Variants in DPRX observed in about 807,000 individuals in gnomAD.
DPRX encodes divergent paired-related homeobox.
Under a neutral mutation model 8.4 loss-of-function variants are expected in DPRX, and 11 were observed. That is an observed-to-expected ratio of 1.31 (90% CI 0.82 to 2.17). The LOEUF (loss-of-function observed/expected upper bound fraction) is 2.17. Among genes scored for constraint, DPRX ranks in the 30% most tolerant of loss-of-function variants. The probability of loss-of-function intolerance (pLI) is 0.00; values close to 1 mark genes in which losing one functional copy is unlikely to be tolerated. For missense variants in DPRX, 211 were observed against 236.7 expected (o/e 0.89, Z 0.71); for synonymous variants, 72 against 87.0 (o/e 0.83, Z 0.96).
upstream of DPRX, among the ~76,000 whole-genome samples, chr19:53,627,861 G>C (rs758105364): frequency 7.3e-5 from 11 of 151,496 alleles, no homozygotes; most frequent in Non-Finnish European, 1.5e-4. Flanking sequence ...GACCAGCCTG[G>C]CCAACGTGGC....
At chr19:53,609,681 C>CA in the DPRX span, among the ~76,000 whole-genome samples, 2 of 151,866 alleles carry the variant, frequency 1.3e-5, no homozygotes, top group African/African-American at 4.8e-5. Flanking sequence ...GCCTGACCAA[C>CA]ATGGCAAAAC....
At chr19:53,618,306 G>A in the DPRX span, among the ~76,000 whole-genome samples, 7 of 151,958 alleles carry the variant, frequency 4.6e-5, no homozygotes, top group East Asian at 1.2e-3. Flanking sequence ...GATTCCATGA[G>A]CTGAGAACTC....
chr19:53,626,025 C>T, the DPRX span, among the ~76,000 whole-genome samples: 1 of 152,130 alleles, frequency 6.6e-6, no homozygotes, highest in African/African-American at 2.4e-5. Context: ...CAACATCTGC[C>T]TCCAAGGCTC....
At chr19:53,608,238 A>ATT in the DPRX span, 8 of 139,558 alleles carry the variant, frequency 5.7e-5, no homozygotes, top group South Asian at 2.2e-4. Context: ...TAAAAAATAA[A>ATT]AAAAAATAAA....
chr19:53,627,405 C>T (rs2091075382), upstream of DPRX, among the ~76,000 whole-genome samples: 1 of 149,358 alleles, frequency 6.7e-6, no homozygotes, highest in African/African-American at 2.5e-5. Context: ...TGGAGAAGGA[C>T]TTGGAAGGGA....
At chr19:53,615,784 G>T in the DPRX span, among the ~76,000 whole-genome samples, 1 of 150,316 alleles carries the variant, frequency 6.7e-6, no homozygotes, top group Admixed American at 6.7e-5. Context: ...TCCTGTTATG[G>T]TTAGCATTTT....
chr19:53,633,192 C>T (rs2122162146), intron 1 of DPRX, among the ~76,000 whole-genome samples: 1 of 152,222 alleles, frequency 6.6e-6, no homozygotes, highest in Non-Finnish European at 1.5e-5. Flanking sequence ...ACTCGGGAGG[C>T]TGAGGTGAGA....
At chr19:53,636,431 A>G (rs2091112457) in intron 2 of DPRX, among the ~76,000 whole-genome samples, 165 bp from the exon 3 acceptor site, 2 of 124,996 alleles carry the variant, frequency 1.6e-5, no homozygotes, top group Non-Finnish European at 3.4e-5. Flanking sequence ...TAAGGGCCAA[A>G]AAAAGGAAAA....
intron 1 of DPRX, 91 bp from the exon 2 acceptor site, chr19:53,634,437 CGTT>C: frequency 6.8e-7 from 1 of 1,469,178 alleles, no homozygotes; most frequent in Non-Finnish European, 9.2e-7. Context: ...TTGATCATCA[CGTT>C]GTACCTCAGT....
chr19:53,617,242 C>T, the DPRX span: 1 of 780,286 alleles, frequency 1.3e-6, no homozygotes, highest in Non-Finnish European at 2.3e-6. Context: ...CTACCGGGCT[C>T]TCTGATGGGT....
At chr19:53,632,242 C>T (rs2091095416) in intron 1 of DPRX, 108 bp downstream of exon 1, 1 of 1,441,626 alleles carries the variant, frequency 6.9e-7, no homozygotes, top group Admixed American at 1.7e-5. Flanking sequence ...GTGCTTCGTC[C>T]ACGTGGGTGG....
chr19:53,627,272 T>C (rs1001408401), upstream of DPRX, among the ~76,000 whole-genome samples: 1 of 152,006 alleles, frequency 6.6e-6, no homozygotes, highest in African/African-American at 2.4e-5. Flanking sequence ...CAAGTCTTCT[T>C]TTCTCCCCTT....
At chr19:53,634,798 C>A (rs2091106104) in intron 2 of DPRX, 113 bp downstream of exon 2, 3 of 1,394,554 alleles carry the variant, frequency 2.2e-6, no homozygotes, top group Non-Finnish European at 2.9e-6. Context: ...TTCCCCAAAC[C>A]CACACTCTCC....
chr19:53,608,097 G>A, the DPRX span, among the ~76,000 whole-genome samples: 15 of 149,470 alleles, frequency 1.0e-4, no homozygotes, highest in East Asian at 1.8e-3. Flanking sequence ...GCTTGAACCC[G>A]GGAGGCAGAG....
the DPRX span, among the ~76,000 whole-genome samples, chr19:53,623,943 T>G: frequency 6.8e-6 from 1 of 147,288 alleles, no homozygotes; most frequent in African/African-American, 2.5e-5. Flanking sequence ...AGAGTGAAAC[T>G]CCGTCTCAAA....
At chr19:53,629,290 T>C (rs1257170227), upstream of DPRX, among the ~76,000 whole-genome samples, 1 of 133,472 alleles carries the variant, frequency 7.5e-6, no homozygotes, top group African/African-American at 2.9e-5. Context: ...CACTCCAGCC[T>C]GGGCAACAGA....
chr19:53,620,351 G>A, the DPRX span, among the ~76,000 whole-genome samples: 11 of 151,170 alleles, frequency 7.3e-5, no homozygotes, highest in Non-Finnish European at 1.2e-4. Context: ...TTACAGGTGT[G>A]AGCCACCGTA....
chr19:53,608,970 A>AAG, the DPRX span, among the ~76,000 whole-genome samples: 1 of 121,126 alleles, frequency 8.3e-6, no homozygotes, highest in Middle Eastern at 3.4e-3. Flanking sequence ...AAAAAAAAAA[A>AAG]AAAAGGAAAG....
At chr19:53,636,934 A>G (rs2091115503) in exon 3 of DPRX, 4 of 1,613,176 alleles carry the variant, frequency 2.5e-6, no homozygotes, top group Non-Finnish European at 3.4e-6. Flanking sequence ...TTTGCGCTCC[A>G]AGCTTCCATT....
Sources: gnomAD v4.1 joint callset for allele counts (sites outside exome capture counted in the v4.1 genomes callset) on GRCh38, gnomAD v4.1.1 for gene constraint, MANE v1.5 for transcripts, NCBI Gene and HGNC (gene_info 2026-07-23, HGNC 2026-07-21) for gene names.